The following SGCD variants were observed in gnomAD, a reference collection of about 807,000 sequenced individuals.
SGCD encodes delta-sarcoglycan.
SGCD carries 18 observed loss-of-function variants against 36.6 expected under a neutral mutation model. That is an observed-to-expected ratio of 0.49 (90% CI 0.34 to 0.73). The LOEUF is 0.73. SGCD is among the 30% of genes least tolerant of loss of function. SGCD has a pLI of 0.01. For missense variants in SGCD, 387 were observed against 346.7 expected, an observed-to-expected ratio of 1.12 and a Z score of -0.92; for synonymous variants, 133 against 130.6, an observed-to-expected ratio of 1.02 and a Z score of -0.12.
chr5:156,728,508 CAAAAAAAAAAAAA>C (rs34726270), intron 7 of SGCD, among the ~76,000 whole-genome samples: 2 of 46,526 alleles, frequency 4.3e-5, no homozygotes, highest in African/African-American at 8.6e-5. Flanking sequence ...GAGACTCTGT[CAAAAAAAAAAAAA>C]AAAAAAAAAA....
chr5:155,841,609 ATATT>A, the SGCD span, among the ~76,000 whole-genome samples: 1 of 152,124 alleles, frequency 6.6e-6, no homozygotes, highest in Non-Finnish European at 1.5e-5. Flanking sequence ...AACTCTTTAT[ATATT>A]AGTGATGCCA....
At position 156,605,098 on chromosome 5, in the gene SGCD, G is replaced by T. The variant is rs565726544; in HGVS notation, c.502+10047G>T. Among the ~76,000 whole-genome samples, 25 of 151,940 alleles carry T rather than the reference G, an allele frequency of 1.6e-4. No homozygotes were observed. In the East Asian group the frequency reaches 4.4e-3, roughly 27 times the overall value. Reference sequence around the variant, plus strand: ...AAGTTTTAGGGTACATGTGCACAACGTGCAGGTTTGTTACCTATGTATACA... The same window carrying T: ...AAGTTTTAGGGTACATGTGCACAACTTGCAGGTTTGTTACCTATGTATACA... On this transcript the variant is annotated intron_variant, in intron 6 of 8. Transcript: ENST00000337851.
chr5:156,353,987 A>G (rs1156236394), intron 3 of SGCD, among the ~76,000 whole-genome samples: 3 of 152,186 alleles, frequency 2.0e-5, no homozygotes, highest in Non-Finnish European at 4.4e-5. Context: ...TCTATTGGGC[A>G]TATCTGCTTC....
intron 3 of SGCD, among the ~76,000 whole-genome samples, chr5:156,504,305 A>G (rs1756593288): frequency 6.6e-6 from 1 of 151,090 alleles, no homozygotes. Flanking sequence ...TTAACATTTG[A>G]GTATAATTCC....
At chr5:155,996,299 G>A (rs1758543060) in intron 1 of SGCD, among the ~76,000 whole-genome samples, 2 of 151,926 alleles carry the variant, frequency 1.3e-5, no homozygotes, top group East Asian at 1.9e-4. Flanking sequence ...CCTCACCCAG[G>A]CCCCAGTGTC....
At chr5:155,842,252 T>TG in the SGCD span, among the ~76,000 whole-genome samples, 13 of 150,762 alleles carry the variant, frequency 8.6e-5, no homozygotes, top group Non-Finnish European at 1.8e-4. Flanking sequence ...AGGTGTTTTT[T>TG]TTTTTTTTTT....
chr5:156,324,168 A>G (rs77629608), upstream of SGCD, among the ~76,000 whole-genome samples: 908 of 152,288 alleles, frequency 6.0e-3, 8 homozygotes, highest in African/African-American at 0.02. Context: ...TGAGGAGCTC[A>G]TTATTTATAG....
At chr5:155,868,625 C>A (rs1050438187), upstream of SGCD, among the ~76,000 whole-genome samples, 2 of 151,812 alleles carry the variant, frequency 1.3e-5, no homozygotes, top group Admixed American at 6.6e-5. Context: ...AGGGATCTAG[C>A]AAAACCAGTC....
the SGCD span, among the ~76,000 whole-genome samples, chr5:155,749,292 ACATGCTACTCCCTCTACTT>A: frequency 1.3e-5 from 2 of 152,188 alleles, no homozygotes; most frequent in Non-Finnish European, 2.9e-5. Flanking sequence ...TTACTAAAAC[ACATGCTACTCCCTCTACTT>A]CATGCTATTT....
chr5:155,892,399 G>A (rs1266219994), intron 1 of SGCD, among the ~76,000 whole-genome samples: 1 of 143,760 alleles, frequency 7.0e-6, no homozygotes, highest in Non-Finnish European at 1.5e-5. Flanking sequence ...AGGTTGCAGT[G>A]AGCCAAGATC....
chr5:156,360,818 C>T (rs1327909406), intron 3 of SGCD, among the ~76,000 whole-genome samples: 1 of 152,094 alleles, frequency 6.6e-6, no homozygotes, highest in Non-Finnish European at 1.5e-5. Context: ...TCACTTAATA[C>T]AAATCTTAGC....
chr5:156,061,384 C>G (rs1304857350), intron 1 of SGCD, among the ~76,000 whole-genome samples: 1 of 145,998 alleles, frequency 6.8e-6, no homozygotes, highest in Non-Finnish European at 1.5e-5. Context: ...TGTCTAATTC[C>G]TATAGGCTCC....
intron 1 of SGCD, among the ~76,000 whole-genome samples, chr5:156,095,994 TC>T (rs1471573738): frequency 2.6e-5 from 4 of 152,200 alleles, no homozygotes; most frequent in African/African-American, 7.2e-5. Context: ...CCCATTGACT[TC>T]CTCAGATTCC....
At chr5:156,380,410 AG>A (rs1770917437) in intron 3 of SGCD, among the ~76,000 whole-genome samples, 1 of 152,350 alleles carries the variant, frequency 6.6e-6, no homozygotes, top group African/African-American at 2.4e-5. Flanking sequence ...CTACAACAGA[AG>A]GGGTTGACTA....
chr5:155,849,018 AT>A, the SGCD span, among the ~76,000 whole-genome samples: 2 of 151,844 alleles, frequency 1.3e-5, no homozygotes, highest in African/African-American at 4.8e-5. Flanking sequence ...AGGCAAATAT[AT>A]TTTTTTCCAG....
intron 1 of SGCD, among the ~76,000 whole-genome samples, chr5:155,967,917 T>C (rs74444446): frequency 0.016 from 2,367 of 152,172 alleles, 65 homozygotes; most frequent in African/African-American, 0.053. Flanking sequence ...GTGATTTCTA[T>C]GTCTCACCTT....
At chr5:156,522,042 G>A (rs937395995) in intron 4 of SGCD, among the ~76,000 whole-genome samples, 4 of 152,228 alleles carry the variant, frequency 2.6e-5, no homozygotes, top group African/African-American at 9.6e-5. Flanking sequence ...CATGTCCTTC[G>A]AAGGGACATA....
At chr5:155,844,586 A>G in the SGCD span, among the ~76,000 whole-genome samples, 6 of 152,346 alleles carry the variant, frequency 3.9e-5, no homozygotes, top group Non-Finnish European at 8.8e-5. Flanking sequence ...TAAATAAAAG[A>G]GAAAGAACTG....
At chr5:156,136,072 AT>A (rs1190214348) in intron 3 of SGCD, among the ~76,000 whole-genome samples, 1 of 151,968 alleles carries the variant, frequency 6.6e-6, no homozygotes, top group African/African-American at 2.4e-5. Context: ...CCTTTCTGAC[AT>A]TTTTCTTCCA....
Sources: gnomAD v4.1 joint callset for allele counts (sites outside exome capture counted in the v4.1 genomes callset) on GRCh38, gnomAD v4.1.1 for gene constraint, MANE v1.5 for transcripts, NCBI Gene and HGNC (gene_info 2026-07-23, HGNC 2026-07-21) for gene names.